The following TMEM219 variants were observed in gnomAD, a reference collection of about 807,000 sequenced individuals.
TMEM219 encodes the protein insulin-like growth factor-binding protein 3 receptor.
A neutral mutation model predicts 17.9 loss-of-function variants in TMEM219; 18 were observed. The observed-to-expected ratio is 1.01, with a 90% CI of 0.70 to 1.49. TMEM219 has a LOEUF of 1.49. Ranked by LOEUF, TMEM219 falls within the 40% of genes most tolerant of loss-of-function variation. The pLI, the probability that TMEM219 is intolerant of heterozygous loss-of-function variation, is 0.00. For synonymous variants in TMEM219, 113 were observed against 124.0 expected (o/e 0.91, Z 0.59); for missense variants, 288 against 292.4 (o/e 0.99, Z 0.11).
At position 29,971,479 on chromosome 16, in the gene TMEM219, C is replaced by G. The variant is rs756665246; in HGVS notation, c.657C>G (p.Leu219=). The part of the protein sequence containing the change: ...GSFLLLFCGL[L]CCVTAMCFHP... ...TCCTGCTTCTCTTCTGTGGCCTTCT[C>G]TGCTGTGTCACTGCTATGTGCTTCC... Residue 219 remains leucine, a synonymous_variant, in exon 5 of 6, where the codon CTC becomes CTG. Transcript: ENST00000279396. 2 of 1,614,150 alleles carry G rather than the reference C, an allele frequency of 1.2e-6. No homozygotes were observed. The highest frequency in any genetic ancestry group is 1.7e-6 in the Non-Finnish European group (2 of 1,180,032).
Position 29,963,269 on chromosome 16 carries a change from CA to C in TMEM219, c.127del (p.Thr43ProfsTer19), listed in dbSNP as rs764782881. Reference sequence around the variant, plus strand: ...GCCTGGGCCTTGGCAGCTTCCTCCTCACCCACAGGACTGGCCTGCGCAGCCC... The same window carrying C: ...GCCTGGGCCTTGGCAGCTTCCTCCTCCCCACAGGACTGGCCTGCGCAGCCC... Reference protein sequence around the residue: ...SGLGLGSFLLTHRTGLRSPDI... With the variant: ...SGLGLGSFLLXHRTGLRSPDI... On this transcript the variant is annotated frameshift_variant, in exon 2 of 6. Transcript: ENST00000279396. LOFTEE classifies it high-confidence loss of function. 31 of 1,614,130 alleles carry C rather than the reference CA, an allele frequency of 1.9e-5. No individual in the cohort carries two copies. Among genetic ancestry groups the C allele is most frequent in the Non-Finnish European group, 2.6e-5 (31 of 1,180,028 alleles).
chr16:29,970,602 G>A (rs2069272223), intron 4 of TMEM219, among the ~76,000 whole-genome samples: 1 of 152,032 alleles, frequency 6.6e-6, no homozygotes, highest in South Asian at 2.1e-4. Context: ...GGGATTACAG[G>A]TGTGAGCCAC....
chr16:29,967,943 A>C (rs1489049688), intron 3 of TMEM219, 82 bp from the exon 4 acceptor site: 1 of 1,138,890 alleles, frequency 8.8e-7, no homozygotes, highest in Non-Finnish European at 1.3e-6. Flanking sequence ...AAAAAAAGAA[A>C]ATACAAGAAA....
chr16:29,965,883 T>C (rs1027972090), intron 3 of TMEM219, among the ~76,000 whole-genome samples: 9 of 152,162 alleles, frequency 5.9e-5, no homozygotes, highest in African/African-American at 1.9e-4. Flanking sequence ...ATTACAGGCA[T>C]GTGGCACCAT....
chr16:29,972,621 A>G (rs2069315423), intron 5 of TMEM219, among the ~76,000 whole-genome samples: 1 of 152,220 alleles, frequency 6.6e-6, no homozygotes, highest in Admixed American at 6.5e-5. Context: ...AAAAGTGGAA[A>G]TAGTTGAGGC....
intron 3 of TMEM219, among the ~76,000 whole-genome samples, chr16:29,966,147 G>A (rs2069210036): frequency 6.6e-6 from 1 of 152,218 alleles, no homozygotes; most frequent in Admixed American, 6.5e-5. Context: ...GGGATTACAG[G>A]CATGAGCTAC....
intron 3 of TMEM219, 59 bp from the exon 4 acceptor site, chr16:29,967,966 A>G (rs568739530): frequency 7.8e-7 from 1 of 1,283,206 alleles, no homozygotes; most frequent in Admixed American, 1.8e-5. Context: ...AAGCGTGAAG[A>G]CAGAGGCTCC....
intron 3 of TMEM219, among the ~76,000 whole-genome samples, chr16:29,967,362 A>G (rs938998773): frequency 1.3e-5 from 2 of 152,184 alleles, no homozygotes; most frequent in Non-Finnish European, 2.9e-5. Context: ...GAATCCCAAC[A>G]TTTTGGGAGG....
rs2150864799 is a variant in TMEM219 at position 29,968,525 on chromosome 16, T to C, written c.585+271T>C. Reference sequence around the variant, plus strand: ...AGTGCCCAGCACATTGCCTGGGACATAGAGATTTGATAAGTGACAGCTATT... The same window carrying C: ...AGTGCCCAGCACATTGCCTGGGACACAGAGATTTGATAAGTGACAGCTATT... On this transcript the variant is annotated intron_variant, in intron 4 of 5. Transcript: ENST00000279396. 1.4e-5 allele frequency: 5 copies of C among 364,990 alleles called. No individual in the cohort carries two copies. The East Asian group carries it at 2.3e-4, about 17-fold the overall frequency. The allele number at this position is 364,990 out of a possible 1,614,324, so 22.6% of individuals were successfully genotyped here. A position where few individuals can be genotyped will look rare whatever the true frequency, so the allele number is the denominator to read the frequency against.
At chr16:29,964,918 G>T (rs1405967432) in intron 3 of TMEM219, among the ~76,000 whole-genome samples, 5 of 152,300 alleles carry the variant, frequency 3.3e-5, no homozygotes, top group African/African-American at 1.2e-4. Flanking sequence ...CTTGGAGGTA[G>T]GATGAAATGG....
chr16:29,964,179 C>T (rs534648848), intron 3 of TMEM219, among the ~76,000 whole-genome samples: 119 of 152,144 alleles, frequency 7.8e-4, no homozygotes, highest in Non-Finnish European at 1.5e-3. Context: ...AAAAATTAGC[C>T]GGGCATGGTT....
In TMEM219 at chr16:29,963,134, TCTGCTCC is replaced by T. The variant is rs2069166811; in HGVS notation, c.-8_-2del. 1 of 1,610,126 alleles carries T rather than the reference TCTGCTCC, an allele frequency of 6.2e-7. No individual in the cohort carries two copies. Among genetic ancestry groups the T allele is most frequent in the Non-Finnish European group, 8.5e-7 (1 of 1,179,940 alleles). The stretch of plus-strand genomic sequence containing the variant: ...GGCTCTCCCCGGAGGCTCAGCCCCC[TCTGCTCC>T]CCATGGGCAACTGCCAGGCAGGGCA... On this transcript the variant is annotated 5_prime_UTR_variant, in exon 2 of 6. Transcript: ENST00000279396.
intron 3 of TMEM219, among the ~76,000 whole-genome samples, chr16:29,964,183 C>T (rs891793428): frequency 6.6e-6 from 1 of 152,010 alleles, no homozygotes; most frequent in Non-Finnish European, 1.5e-5. Context: ...ATTAGCCGGG[C>T]ATGGTTGCAC....
chr16:29,963,051 T>C (rs1394120640), intron 1 of TMEM219, 56 bp from the exon 2 acceptor site: 1 of 1,463,722 alleles, frequency 6.8e-7, no homozygotes, highest in Non-Finnish European at 9.3e-7. Flanking sequence ...CTGAGCTTTC[T>C]TTTCTCTTTG....
rs1419002409 is a variant in TMEM219 at position 29,971,495 on chromosome 16, A to G, written c.673A>G (p.Met225Val). The G allele has an allele frequency of 5.6e-6, 9 of 1,612,496 alleles. No homozygotes were observed. The highest frequency in any genetic ancestry group is 6.8e-6 in the Non-Finnish European group (8 of 1,179,310). ...FCGLLCCVTA[M>V]CFHPRRESHW... The stretch of plus-strand genomic sequence containing the variant: ...TGGCCTTCTCTGCTGTGTCACTGCT[A>G]TGTGCTTCCACCCGCGCCGGGAGTC... Residue 225 changes from methionine to valine, a missense_variant, in exon 5 of 6, where the codon ATG becomes GTG. By Grantham distance (21) the Met-to-Val change is conservative. Transcript: ENST00000279396.
Position 29,963,305 on chromosome 16 carries a change from C to T in TMEM219, c.162C>T (p.Pro54=). 6.2e-7 allele frequency: 1 copy of T among 1,614,156 alleles called. No individual in the cohort carries two copies. Among genetic ancestry groups the T allele is most frequent in the Non-Finnish European group, 8.5e-7 (1 of 1,180,018 alleles). Residue 54 remains proline, a synonymous_variant, in exon 2 of 6, where the codon CCC becomes CCT. Coordinates refer to ENST00000279396, the MANE Select transcript of TMEM219 (RefSeq NM_001083613.2). ...HRTGLRSPDI[P]QDWVSFLRSF... Reference sequence around the variant, plus strand: ...CTGGCCTGCGCAGCCCTGACATCCCCCAGGTAAGTTCCCCACCCCCGTACC... The same window carrying T: ...CTGGCCTGCGCAGCCCTGACATCCCTCAGGTAAGTTCCCCACCCCCGTACC...
intron 3 of TMEM219, among the ~76,000 whole-genome samples, chr16:29,967,739 ACC>A (rs879643220): frequency 0.34 from 52,078 of 151,618 alleles, 9,791 homozygotes; most frequent in South Asian, 0.46. Flanking sequence ...CATCCTGGCT[ACC>A]ACAGTGAAAC....
intron 3 of TMEM219, among the ~76,000 whole-genome samples, chr16:29,966,062 G>T (rs1214537209): frequency 1.3e-5 from 2 of 151,984 alleles, no homozygotes; most frequent in African/African-American, 4.8e-5. Flanking sequence ...TAGAGATGTG[G>T]TCTCACTATG....
chr16:29,963,113 C>G lies in TMEM219; in HGVS notation c.-31C>G. On this transcript the variant is annotated 5_prime_UTR_variant, in exon 2 of 6. Coordinates refer to ENST00000279396, the MANE Select transcript of TMEM219 (RefSeq NM_001083613.2). ...CTCCCTCCCTGTCTTCCAGCAGGCT[C>G]TCCCCGGAGGCTCAGCCCCCTCTGC... The G allele has an allele frequency of 6.2e-7, 1 of 1,604,454 alleles. No individual in the cohort carries two copies. The highest frequency in any genetic ancestry group is 8.5e-7 in the Non-Finnish European group (1 of 1,178,268).
Sources: gnomAD v4.1 joint callset for allele counts (sites outside exome capture counted in the v4.1 genomes callset) on GRCh38, gnomAD v4.1.1 for gene constraint, MANE v1.5 for transcripts, NCBI Gene and HGNC (gene_info 2026-07-23, HGNC 2026-07-21) for gene names.